The following SHROOM3 variants were observed in gnomAD, a reference collection of about 807,000 sequenced individuals.
SHROOM3 encodes shroom family member 3, also known as protein Shroom3.
SHROOM3 carries 47 observed loss-of-function variants against 138.6 expected under a neutral mutation model. The ratio of observed to expected loss-of-function variants is 0.34; its 90% CI spans 0.27 to 0.43. The LOEUF is 0.43. Ranked by LOEUF, SHROOM3 falls within the 20% of genes least tolerant of loss-of-function variation. The pLI is 1.00. For missense variants in SHROOM3, 2,491 were observed against 2,596.5 expected (o/e 0.96, Z 0.88); for synonymous variants, 1,062 against 1,063.3 (o/e 1.00, Z 0.02).
intron 1 of SHROOM3, among the ~76,000 whole-genome samples, chr4:76,496,280 G>A (rs1731966823): frequency 6.6e-6 from 1 of 152,198 alleles, no homozygotes; most frequent in Non-Finnish European, 1.5e-5. Flanking sequence ...CCAGCACTGA[G>A]CCACAGTAGT....
chr4:76,620,228 T>C (rs1187710877), intron 2 of SHROOM3, among the ~76,000 whole-genome samples: 2 of 152,114 alleles, frequency 1.3e-5, no homozygotes, highest in Non-Finnish European at 2.9e-5. Context: ...GACTTTTTTG[T>C]TTGTTCTGGG....
chr4:76,669,841 G>A (rs1352489301), intron 2 of SHROOM3, among the ~76,000 whole-genome samples: 1 of 152,102 alleles, frequency 6.6e-6, no homozygotes, highest in Admixed American at 6.5e-5. Context: ...GCTCAAAAAC[G>A]GGCCTAACTT....
Position 76,557,168 on chromosome 4 carries a change from G to A in SHROOM3, c.323+1405G>A, listed in dbSNP as rs1225460679. On this transcript the variant is annotated intron_variant, in intron 2 of 10. Transcript: ENST00000296043. Reference sequence around the variant, plus strand: ...ATGCCAAAATATGGCAACAATCTAAGTATCCATGGAGGGACAAACCAAAGA... The same window carrying A: ...ATGCCAAAATATGGCAACAATCTAAATATCCATGGAGGGACAAACCAAAGA... 4.0e-5 allele frequency among the ~76,000 whole-genome samples: 6 copies of A among 150,216 alleles called. No individual in the cohort carries two copies. The East Asian group carries it at 9.7e-4, about 24-fold the overall frequency.
intron 1 of SHROOM3, among the ~76,000 whole-genome samples, chr4:76,514,617 T>A (rs1159603126): frequency 2.6e-5 from 4 of 152,210 alleles, no homozygotes; most frequent in Admixed American, 6.5e-5. Context: ...GCCAATGAAC[T>A]GTTCAATGAA....
intron 2 of SHROOM3, among the ~76,000 whole-genome samples, chr4:76,590,311 C>A (rs1400999595): frequency 1.3e-5 from 2 of 152,158 alleles, no homozygotes; most frequent in Non-Finnish European, 2.9e-5. Context: ...TCAACCCTGG[C>A]CCCTTGACCA....
intron 2 of SHROOM3, among the ~76,000 whole-genome samples, chr4:76,559,970 T>C (rs1017589428): frequency 1.3e-5 from 2 of 152,078 alleles, no homozygotes; most frequent in African/African-American, 4.8e-5. Flanking sequence ...CAGCTAGTAG[T>C]GGATAAATGG....
intron 1 of SHROOM3, among the ~76,000 whole-genome samples, chr4:76,466,268 T>G (rs763706168): frequency 6.6e-6 from 1 of 152,254 alleles, no homozygotes; most frequent in Non-Finnish European, 1.5e-5. Flanking sequence ...GAAGCCATGA[T>G]GGACAGTTCT....
At chr4:76,727,242 T>C (rs1196002545) in intron 3 of SHROOM3, among the ~76,000 whole-genome samples, 1 of 152,208 alleles carries the variant, frequency 6.6e-6, no homozygotes, top group Non-Finnish European at 1.5e-5. Context: ...TATTTTTTCT[T>C]TGAGGCTGGG....
chr4:76,542,353 T>C lies in SHROOM3; in HGVS notation c.169-13256T>C, dbSNP rs148157292. ...TGGTAGGTAGAATAATCTCCAGAGATGTCCACCTCCTAGTCCATGTGACTA... is the reference window on the plus strand; with the variant it reads ...TGGTAGGTAGAATAATCTCCAGAGACGTCCACCTCCTAGTCCATGTGACTA... On this transcript the variant is annotated intron_variant, in intron 1 of 10. Transcript: ENST00000296043. Among the ~76,000 whole-genome samples, 37 of 152,348 alleles carry C rather than the reference T, an allele frequency of 2.4e-4. No individual in the cohort carries two copies. The East Asian group carries it at 5.0e-3, about 21-fold the overall frequency.
At position 76,734,208 on chromosome 4, in the gene SHROOM3, G is replaced by A. The variant is rs1035873884; in HGVS notation, c.587+3273G>A. On this transcript the variant is annotated intron_variant, in intron 4 of 10. Coordinates refer to ENST00000296043, the MANE Select transcript of SHROOM3 (RefSeq NM_020859.4). ...TTATTTGTTTCCCAAAATGTGTTCCGTGGAATAACAATCCACTAGATACTT... is the reference window on the plus strand; with the variant it reads ...TTATTTGTTTCCCAAAATGTGTTCCATGGAATAACAATCCACTAGATACTT... 6.6e-5 allele frequency among the ~76,000 whole-genome samples: 10 copies of A among 152,044 alleles called. 1 individual carries two copies. The highest frequency in any genetic ancestry group is 5.8e-4 in the East Asian group (3 of 5,190).
chr4:76,508,076 T>C (rs1280216796), intron 1 of SHROOM3, among the ~76,000 whole-genome samples: 1 of 152,202 alleles, frequency 6.6e-6, no homozygotes, highest in Admixed American at 6.5e-5. Context: ...TGATGTCCAA[T>C]TTATTTTTTT....
intron 1 of SHROOM3, among the ~76,000 whole-genome samples, chr4:76,491,625 G>T (rs1297258516): frequency 6.6e-6 from 1 of 152,182 alleles, no homozygotes; most frequent in African/African-American, 2.4e-5. Flanking sequence ...CAGCCATTTT[G>T]CAGTCTTGAG....
rs143221179 is a variant in SHROOM3, at chr4:76,485,144, G to A, written c.168+48924G>A. 2.0e-5 allele frequency among the ~76,000 whole-genome samples: 3 copies of A among 152,260 alleles called. No individual in the cohort carries two copies. In the South Asian group the frequency reaches 6.2e-4, roughly 32 times the overall value. On this transcript the variant is annotated intron_variant, in intron 1 of 10. Coordinates refer to ENST00000296043, the MANE Select transcript of SHROOM3 (RefSeq NM_020859.4). Reference sequence around the variant, plus strand: ...CAGAAGCTGCGATGTTAAATTAGGGGTCAACTGTCCCTTGCCCCCCTCCCT... The same window carrying A: ...CAGAAGCTGCGATGTTAAATTAGGGATCAACTGTCCCTTGCCCCCCTCCCT...
At chr4:76,770,500 A>C in intron 9 of SHROOM3, 126 bp from the exon 10 acceptor site, 1 of 1,071,078 alleles carries the variant, frequency 9.3e-7, no homozygotes, top group South Asian at 1.4e-5. Context: ...GGGACACTCC[A>C]TATAGAGAAG....
At chr4:76,622,222 C>T (rs1225242127) in intron 2 of SHROOM3, among the ~76,000 whole-genome samples, 2 of 151,976 alleles carry the variant, frequency 1.3e-5, no homozygotes, top group Admixed American at 6.6e-5. Context: ...ACTCATTTTC[C>T]CCTAGGCACT....
intron 9 of SHROOM3, among the ~76,000 whole-genome samples, chr4:76,767,120 G>A (rs1396390951): frequency 6.6e-6 from 1 of 152,160 alleles, no homozygotes; most frequent in Admixed American, 6.6e-5. Context: ...TGACTGGATG[G>A]TTGTGTTTGA....
At chr4:76,540,345 C>T (rs1404767237) in intron 1 of SHROOM3, among the ~76,000 whole-genome samples, 2 of 152,186 alleles carry the variant, frequency 1.3e-5, no homozygotes, top group Admixed American at 6.5e-5. Flanking sequence ...GAGATAGTAG[C>T]AATAATTGCC....
intron 2 of SHROOM3, among the ~76,000 whole-genome samples, chr4:76,698,256 C>T (rs1447893377): frequency 2.0e-5 from 3 of 152,142 alleles, no homozygotes; most frequent in Non-Finnish European, 4.4e-5. Flanking sequence ...GACACAAATG[C>T]ATTTGGCATG....
At chr4:76,597,987 C>T (rs1734423858) in intron 2 of SHROOM3, among the ~76,000 whole-genome samples, 1 of 151,464 alleles carries the variant, frequency 6.6e-6, no homozygotes, top group Non-Finnish European at 1.5e-5. Flanking sequence ...TCAGAGAATG[C>T]AGCATCTACT....
Sources: gnomAD v4.1 joint callset for allele counts (sites outside exome capture counted in the v4.1 genomes callset) on GRCh38, gnomAD v4.1.1 for gene constraint, MANE v1.5 for transcripts, NCBI Gene and HGNC (gene_info 2026-07-23, HGNC 2026-07-21) for gene names.